The following KLF17 variants were observed in gnomAD, a reference collection of about 807,000 sequenced individuals.
KLF17 encodes Krueppel-like factor 17.
A neutral mutation model predicts 34.2 loss-of-function variants in KLF17; 31 were observed. The observed-to-expected ratio is 0.91, with a 90% CI of 0.68 to 1.22. The LOEUF (loss-of-function observed/expected upper bound fraction) is 1.22, where lower values mean the gene tolerates loss of function less well. Among genes scored for constraint, KLF17 ranks in the 50% most tolerant of loss-of-function variants. KLF17 has a pLI of 0.00. For synonymous variants in KLF17, 179 were observed against 186.7 expected, an observed-to-expected ratio of 0.96 and a Z score of 0.34; for missense variants, 478 against 505.2, an observed-to-expected ratio of 0.95 and a Z score of 0.52.
chr1:44,128,033 G>A (rs572875742), intron 1 of KLF17, among the ~76,000 whole-genome samples: 27 of 151,654 alleles, frequency 1.8e-4, no homozygotes, highest in Admixed American at 5.3e-4. Flanking sequence ...AGCTTTATTC[G>A]TTTCTCAACT....
the KLF17 span, among the ~76,000 whole-genome samples, chr1:44,046,474 G>T: frequency 7.3e-5 from 11 of 151,262 alleles, no homozygotes; most frequent in East Asian, 2.1e-3. Flanking sequence ...CTCTTCCTTG[G>T]CCTCCCAAAG....
At chr1:44,130,411 C>T (rs1335897835) in intron 2 of KLF17, 101 bp from the exon 3 acceptor site, 7 of 1,506,738 alleles carry the variant, frequency 4.6e-6, no homozygotes, top group African/African-American at 4.1e-5. Context: ...TTCCCTGGAC[C>T]TTCCCTTTTG....
At chr1:44,051,597 C>T in the KLF17 span, 1 of 152,210 alleles carries the variant, frequency 6.6e-6, no homozygotes. Flanking sequence ...TTTGGATACC[C>T]TTAAACACTT....
the KLF17 span, among the ~76,000 whole-genome samples, chr1:44,108,488 G>A: frequency 6.6e-6 from 1 of 151,970 alleles, no homozygotes; most frequent in South Asian, 2.1e-4. Flanking sequence ...TGAGAAGGCA[G>A]CCCACGCATT....
At chr1:44,110,926 C>A in the KLF17 span, among the ~76,000 whole-genome samples, 154 of 151,104 alleles carry the variant, frequency 1.0e-3, 1 homozygote, top group African/African-American at 3.6e-3. Flanking sequence ...AGTTTGAGAC[C>A]AGCCTGGGCA....
intron 3 of KLF17, among the ~76,000 whole-genome samples, chr1:44,131,514 AAAAACT>A: frequency 6.6e-6 from 1 of 152,294 alleles, no homozygotes; most frequent in South Asian, 2.1e-4. Context: ...CAGAAAATGA[AAAAACT>A]AGTTTTGTAC....
the KLF17 span, among the ~76,000 whole-genome samples, chr1:44,082,673 C>T: frequency 3.9e-5 from 6 of 152,182 alleles, no homozygotes; most frequent in Non-Finnish European, 8.8e-5. Flanking sequence ...AAAAGCCATA[C>T]ACCAATATTC....
chr1:44,078,003 C>T, the KLF17 span, among the ~76,000 whole-genome samples: 1 of 152,168 alleles, frequency 6.6e-6, no homozygotes, highest in South Asian at 2.1e-4. Flanking sequence ...ATACTAGTCC[C>T]TTATTGATTA....
At chr1:44,102,589 C>T in the KLF17 span, among the ~76,000 whole-genome samples, 1 of 123,924 alleles carries the variant, frequency 8.1e-6, no homozygotes, top group African/African-American at 2.7e-5. Flanking sequence ...CACACACACA[C>T]ACACACACAC....
rs1180583387 is a variant in KLF17 at position 44,129,662 on chromosome 1, C to T, written c.391C>T (p.Gln131Ter). ...QQEMTIFSGP[Q>*]LMPVGEPNIP... ...AGAGATGACGATTTTCAGTGGGCCC[C>T]AACTAATGCCCGTAGGAGAGCCCAA... The change falls in exon 2 of 4, where the codon CAA (glutamine) becomes TAA (stop). Residue 131 changes from glutamine to a stop codon, truncating the protein, a stop_gained. Transcript: ENST00000372299. LOFTEE classifies it high-confidence loss of function. 1 of 1,614,154 alleles carries T rather than the reference C, an allele frequency of 6.2e-7. No individual in the cohort carries two copies. The highest frequency in any genetic ancestry group is 2.2e-5 in the East Asian group (1 of 44,878).
chr1:44,087,757 TATATATATATATACACAC>T, the KLF17 span, among the ~76,000 whole-genome samples: 98 of 53,610 alleles, frequency 1.8e-3, no homozygotes, highest in Non-Finnish European at 2.2e-3. Flanking sequence ...TATATATATA[TATATATATATATACACAC>T]ACACACACAC....
chr1:44,081,508 C>G, the KLF17 span, among the ~76,000 whole-genome samples: 1 of 151,456 alleles, frequency 6.6e-6, no homozygotes, highest in African/African-American at 2.4e-5. Context: ...CTCCACCTCC[C>G]GGGTTCAAGC....
chr1:44,100,602 C>A, the KLF17 span, among the ~76,000 whole-genome samples: 1 of 151,966 alleles, frequency 6.6e-6, no homozygotes, highest in Non-Finnish European at 1.5e-5. Flanking sequence ...TAGGTGTGAG[C>A]CACCGCACTT....
At chr1:44,071,409 A>G in the KLF17 span, among the ~76,000 whole-genome samples, 6 of 152,146 alleles carry the variant, frequency 3.9e-5, no homozygotes, top group Admixed American at 3.9e-4. Context: ...TTTATATCCA[A>G]CCATGAACTC....
At chr1:44,111,232 G>T in the KLF17 span, among the ~76,000 whole-genome samples, 1 of 151,980 alleles carries the variant, frequency 6.6e-6, no homozygotes, top group African/African-American at 2.4e-5. Flanking sequence ...CTGGGCTCAA[G>T]CGATCCACCT....
At chr1:44,099,905 GAAA>G in the KLF17 span, among the ~76,000 whole-genome samples, 2 of 52,252 alleles carry the variant, frequency 3.8e-5, no homozygotes, top group Admixed American at 4.0e-4. Context: ...AAGAAAGAAA[GAAA>G]GAAAGAAAGA....
At chr1:44,095,364 C>A in the KLF17 span, among the ~76,000 whole-genome samples, 1 of 151,892 alleles carries the variant, frequency 6.6e-6, no homozygotes, top group African/African-American at 2.4e-5. Flanking sequence ...TACAGGCATG[C>A]GCCACTGCAT....
the KLF17 span, among the ~76,000 whole-genome samples, chr1:44,055,775 C>T: frequency 1.2e-4 from 19 of 152,174 alleles, no homozygotes; most frequent in African/African-American, 4.6e-4. Flanking sequence ...TATCCAGCCC[C>T]TAATAACAAA....
chr1:44,109,873 C>A, the KLF17 span, among the ~76,000 whole-genome samples: 7 of 150,810 alleles, frequency 4.6e-5, no homozygotes, highest in South Asian at 1.5e-3. Context: ...ACCCCCACAG[C>A]CATATACATA....
Sources: allele counts gnomAD v4.1 joint callset (sites outside exome capture counted in the v4.1 genomes callset), GRCh38; gene constraint gnomAD v4.1.1; transcripts MANE v1.5; gene names NCBI Gene and HGNC (gene_info 2026-07-23, HGNC 2026-07-21).